LRIG1: variants seen among roughly 807,000 people sequenced by gnomAD.
LRIG1 encodes the protein leucine-rich repeats and immunoglobulin-like domains protein 1.
A neutral mutation model predicts 99.2 loss-of-function variants in LRIG1; 48 were observed. The ratio of observed to expected loss-of-function variants is 0.48; its 90% CI spans 0.38 to 0.62. The LOEUF (loss-of-function observed/expected upper bound fraction) is 0.62, where lower values mean the gene tolerates loss of function less well. Ranked by LOEUF, LRIG1 falls within the 20% of genes least tolerant of loss-of-function variation. LRIG1 has a pLI of 0.00. For synonymous variants in LRIG1, 772 were observed against 596.1 expected (o/e 1.29, Z -4.30); for missense variants, 1,646 against 1,434.4 (o/e 1.15, Z -2.38).
Position 66,500,686 on chromosome 3 carries a change from T to G in LRIG1, c.-279A>C. 1 of 248,962 alleles carries G rather than the reference T, an allele frequency of 4.0e-6. No individual in the cohort carries two copies. Among genetic ancestry groups the G allele is most frequent in the Admixed American group, 5.6e-5 (1 of 17,804 alleles). The allele number at this position is 248,962 out of a possible 1,614,324, so 15.4% of individuals were successfully genotyped here. A position where few individuals can be genotyped will look rare whatever the true frequency, so the allele number is the denominator to read the frequency against. On this transcript the variant is annotated 5_prime_UTR_variant, in exon 1 of 19. Transcript: ENST00000273261. ...GCGAACTCCGCCGATTCGGGCAAGG[T>G]GTACCCAGCCTGCGCTCTTCGTCCG...
In LRIG1 at chr3:66,401,718, G is replaced by C. The variant is rs1433044090; in HGVS notation, c.1161-2677C>G. The C allele has an allele frequency of 3.5e-6, 5 of 1,412,576 alleles. No individual in the cohort carries two copies. In the African/African-American group the frequency reaches 5.7e-5, roughly 16 times the overall value. The allele number at this position is 1,412,576 out of a possible 1,614,324, so 87.5% of individuals were successfully genotyped here. A position where few individuals can be genotyped will look rare whatever the true frequency, so the allele number is the denominator to read the frequency against. On this transcript the variant is annotated intron_variant, in intron 9 of 18. Coordinates refer to ENST00000273261, the MANE Select transcript of LRIG1 (RefSeq NM_015541.3). ...GAAAGGAGAGGCGGGATTATGGGCT[G>C]GGAGGACACTATTTCTGTACCACAG...
At chr3:66,469,575 G>A (rs998635838) in intron 1 of LRIG1, among the ~76,000 whole-genome samples, 4 of 152,050 alleles carry the variant, frequency 2.6e-5, no homozygotes, top group Non-Finnish European at 5.9e-5. Context: ...TGTGCTTCTC[G>A]GCCTTACTAG....
At chr3:66,397,187 C>G (rs1192290922) in intron 11 of LRIG1, among the ~76,000 whole-genome samples, 1 of 152,228 alleles carries the variant, frequency 6.6e-6, no homozygotes, top group Non-Finnish European at 1.5e-5. Context: ...CTTCCCTCCT[C>G]ACTCAGTCTG....
At chr3:66,467,342 T>C (rs916176937) in intron 1 of LRIG1, among the ~76,000 whole-genome samples, 1 of 150,944 alleles carries the variant, frequency 6.6e-6, no homozygotes, top group African/African-American at 2.4e-5. Flanking sequence ...ATTCAGTTCC[T>C]TGGCCACACT....
At chr3:66,403,199 T>G (rs1027062436) in intron 9 of LRIG1, among the ~76,000 whole-genome samples, 5 of 152,008 alleles carry the variant, frequency 3.3e-5, no homozygotes, top group African/African-American at 4.8e-5. Context: ...CCAGCAGGAG[T>G]TTATGGAATC....
At chr3:66,393,105 CTGGCTACTCCAGCAGGCACAA>C in intron 12 of LRIG1, among the ~76,000 whole-genome samples, 1 of 152,258 alleles carries the variant, frequency 6.6e-6, no homozygotes, top group South Asian at 2.1e-4. Flanking sequence ...AGCAGGCACA[CTGGCTACTCCAGCAGGCACAA>C]TGGCTATTGC....
chr3:66,473,880 T>C (rs1237353182), intron 1 of LRIG1, among the ~76,000 whole-genome samples: 6 of 152,208 alleles, frequency 3.9e-5, no homozygotes, highest in Admixed American at 3.9e-4. Context: ...CTTCTTAAAG[T>C]TTACGTGTGT....
chr3:66,380,713 C>G lies in LRIG1; in HGVS notation c.2919G>C (p.Glu973Asp). Residue 973 changes from glutamate to aspartate, a missense_variant, in exon 18 of 19, where the codon GAG becomes GAC. Transcript: ENST00000273261. ...TGCTGCACTGGTGATGTGGAGAATG[C>G]TCTTGGTCACTCCCACCCGGCTCCG... ...NGPEPGGSDQ[E>D]HSPHHQCSRT... 6.2e-7 allele frequency: 1 copy of G among 1,614,190 alleles called. No homozygotes were observed. The highest frequency in any genetic ancestry group is 8.5e-7 in the Non-Finnish European group (1 of 1,180,030).
At chr3:66,466,195 G>A (rs1386318622) in intron 1 of LRIG1, among the ~76,000 whole-genome samples, 1 of 152,024 alleles carries the variant, frequency 6.6e-6, no homozygotes, top group East Asian at 1.9e-4. Context: ...CACCACACCT[G>A]GCTAAATTTT....
intron 1 of LRIG1, among the ~76,000 whole-genome samples, chr3:66,472,846 C>A (rs1700635366): frequency 6.6e-6 from 1 of 152,204 alleles, no homozygotes; most frequent in African/African-American, 2.4e-5. Context: ...TCTAAACACT[C>A]TTGTCTAGGA....
chr3:66,387,271 A>G (rs1359032009), intron 12 of LRIG1: 3 of 151,930 alleles, frequency 2.0e-5, no homozygotes, highest in Non-Finnish European at 4.4e-5. Context: ...ATTCCTGGGG[A>G]TCTAGACAGC....
intron 9 of LRIG1, among the ~76,000 whole-genome samples, chr3:66,399,834 G>T (rs575553377): frequency 4.6e-5 from 7 of 152,156 alleles, no homozygotes; most frequent in Admixed American, 3.3e-4. Context: ...TGGGAATAAA[G>T]CTTCCCAAAA....
At chr3:66,457,190 C>G (rs1046379938) in intron 2 of LRIG1, among the ~76,000 whole-genome samples, 2 of 152,072 alleles carry the variant, frequency 1.3e-5, no homozygotes, top group African/African-American at 4.8e-5. Flanking sequence ...GGAGAGCTGA[C>G]AGCGCCTGGG....
chr3:66,444,087 A>C (rs952739030), intron 3 of LRIG1, among the ~76,000 whole-genome samples: 2 of 152,184 alleles, frequency 1.3e-5, no homozygotes, highest in Non-Finnish European at 2.9e-5. Flanking sequence ...AATCAAAAGA[A>C]AGGTAAGTGT....
At chr3:66,400,852 G>C (rs575993767) in intron 9 of LRIG1, among the ~76,000 whole-genome samples, 2 of 152,082 alleles carry the variant, frequency 1.3e-5, no homozygotes, top group Non-Finnish European at 2.9e-5. Flanking sequence ...GAACCGCTTG[G>C]GCAGGTACCA....
intron 12 of LRIG1, chr3:66,387,140 T>G (rs1030204622): frequency 6.6e-6 from 1 of 150,382 alleles, no homozygotes; most frequent in African/African-American, 2.5e-5. Context: ...TAGCCACTGT[T>G]CAACAGCGCA....
In LRIG1 at chr3:66,386,094, G is replaced by A; in HGVS notation, c.1676C>T (p.Thr559Ile). Residue 559 changes from threonine to isoleucine, a missense_variant, in exon 13 of 19, where the codon ACC (threonine) becomes ATC (isoleucine). By Grantham distance (89) the Thr-to-Ile change is moderately conservative. Transcript: ENST00000273261. ...GACCTGACGGAGGTGCAGGATGGTG[G>A]TGTACTCCATCACTTCCCCGTCCTG... is the stretch of plus-strand genomic sequence containing the variant. The part of the protein sequence containing the change: ...HAQDGEVMEY[T>I]TILHLRQVTF... 1 of 1,614,068 alleles carries A rather than the reference G, an allele frequency of 6.2e-7. No homozygotes were observed. Among genetic ancestry groups the A allele is most frequent in the Non-Finnish European group, 8.5e-7 (1 of 1,179,942 alleles).
chr3:66,440,471 T>C (rs988442945), intron 3 of LRIG1, among the ~76,000 whole-genome samples: 4 of 152,300 alleles, frequency 2.6e-5, no homozygotes, highest in Middle Eastern at 3.4e-3. Flanking sequence ...CAGATACATA[T>C]ACGAGGGTTT....
At chr3:66,484,718 A>G (rs958799277) in intron 1 of LRIG1, among the ~76,000 whole-genome samples, 1 of 152,162 alleles carries the variant, frequency 6.6e-6, no homozygotes, top group African/African-American at 2.4e-5. Context: ...AATGGGATTC[A>G]TGTGCTCCAA....
Sources: gnomAD v4.1 joint callset for allele counts (sites outside exome capture counted in the v4.1 genomes callset) on GRCh38, gnomAD v4.1.1 for gene constraint, MANE v1.5 for transcripts, NCBI Gene and HGNC (gene_info 2026-07-23, HGNC 2026-07-21) for gene names.